The following COLEC10 variants were observed in gnomAD, a reference collection of about 807,000 sequenced individuals.
COLEC10 encodes the protein collectin-10.
A neutral mutation model predicts 28.4 loss-of-function variants in COLEC10; 22 were observed. The observed-to-expected ratio is 0.78, with a 90% confidence interval of 0.55 to 1.11. The LOEUF is 1.11. Among genes scored for constraint, COLEC10 ranks in the 50% least tolerant of loss-of-function variants. The pLI, the probability that COLEC10 is intolerant of heterozygous loss-of-function variation, is 0.00. For synonymous variants in COLEC10, 125 were observed against 116.1 expected, an observed-to-expected ratio of 1.08 and a Z score of -0.49; for missense variants, 361 against 344.1, an observed-to-expected ratio of 1.05 and a Z score of -0.39.
intron 3 of COLEC10, among the ~76,000 whole-genome samples, chr8:119,099,521 A>G (rs964189248): frequency 1.3e-5 from 2 of 152,096 alleles, no homozygotes; most frequent in Non-Finnish European, 1.5e-5. Flanking sequence ...GTCCATGTGT[A>G]GCCAGTAAGT....
chr8:119,067,586 T>C (rs1408904804), intron 1 of COLEC10, 157 bp downstream of exon 1: 9 of 656,890 alleles, frequency 1.4e-5, no homozygotes, highest in Middle Eastern at 4.1e-4. Flanking sequence ...CCAGATCTGG[T>C]CTGTTACTTA....
chr8:118,983,443 T>C, the COLEC10 span, among the ~76,000 whole-genome samples: 35 of 152,254 alleles, frequency 2.3e-4, no homozygotes, highest in Non-Finnish European at 4.3e-4. Context: ...AGCAACCACA[T>C]GGGCTTATTT....
chr8:119,091,595 G>GAGAGAGAGAAAGAAAGAAAGAA lies in COLEC10; in HGVS notation c.292+378_292+379insGAGAGAAAGAAAGAAAGAAAGA, dbSNP rs1250359009. On this transcript the variant is annotated intron_variant, in intron 3 of 5. Transcript: ENST00000332843. ...AGAAAGAGAGAGAGAGAGAGAGAGA[G>GAGAGAGAGAAAGAAAGAAAGAA]AGAAAGAAAGAAAGAAAGAAAGAAA... Among the ~76,000 whole-genome samples the GAGAGAGAGAAAGAAAGAAAGAA allele has an allele frequency of 1.6e-4, 22 of 138,562 alleles. No homozygotes were observed. The East Asian group carries it at 2.9e-3, about 18-fold the overall frequency. The allele number at this position is 138,562 out of a possible 152,430, so 90.9% of individuals were successfully genotyped here. A position where few individuals can be genotyped will look rare whatever the true frequency, so the allele number is the denominator to read the frequency against.
chr8:119,025,088 C>A (rs556964233), intron 2 of COLEC10, among the ~76,000 whole-genome samples: 2 of 152,182 alleles, frequency 1.3e-5, no homozygotes, highest in African/African-American at 4.8e-5. Flanking sequence ...TACACAGTAC[C>A]GTTTTTCAGA....
chr8:119,016,874 G>A (rs979968473), intron 2 of COLEC10, among the ~76,000 whole-genome samples: 2 of 151,978 alleles, frequency 1.3e-5, no homozygotes, highest in African/African-American at 2.4e-5. Context: ...CCACCACCAC[G>A]CCCAGCTAAT....
chr8:118,957,281 C>A, the COLEC10 span, among the ~76,000 whole-genome samples: 1 of 152,172 alleles, frequency 6.6e-6, no homozygotes, highest in Admixed American at 6.5e-5. Context: ...CCAACTAAAC[C>A]TAGAAATAAA....
intron 5 of COLEC10, among the ~76,000 whole-genome samples, chr8:119,104,790 G>T (rs1815905372): frequency 6.6e-6 from 1 of 152,140 alleles, no homozygotes; most frequent in Admixed American, 6.6e-5. Context: ...TGAAGATTCT[G>T]TCTCTGATAT....
intron 5 of COLEC10, among the ~76,000 whole-genome samples, chr8:119,105,536 T>C (rs1017375403): frequency 7.2e-5 from 11 of 152,132 alleles, no homozygotes; most frequent in African/African-American, 1.7e-4. Flanking sequence ...TGAAAGTTCA[T>C]GTAACATGTC....
At position 119,089,972 on chromosome 8, in the gene COLEC10, C is replaced by T. The variant is rs74524771; in HGVS notation, c.220+221C>T. ...CTCAAGTTGCATTCTTTAGGGCTGG[C>T]TGGTGTGGGACACTGGGAGCCCCAG... is the stretch of plus-strand genomic sequence containing the variant. On this transcript the variant is annotated intron_variant, in intron 2 of 5. Transcript: ENST00000332843. Among the ~76,000 whole-genome samples the T allele has an allele frequency of 0.036, 5,423 of 152,230 alleles. 126 individuals carry two copies. Among genetic ancestry groups the T allele is most frequent in the African/African-American group, 0.062 (2,584 of 41,530 alleles).
chr8:119,028,541 G>A (rs141116823), intron 2 of COLEC10, among the ~76,000 whole-genome samples: 6,657 of 152,116 alleles, frequency 0.044, 213 homozygotes, highest in East Asian at 0.16. Context: ...ATCAGATCTC[G>A]TGAGACTTAT....
At chr8:119,062,476 T>C (rs1426819200), upstream of COLEC10, among the ~76,000 whole-genome samples, 4 of 141,180 alleles carry the variant, frequency 2.8e-5, no homozygotes, top group Non-Finnish European at 6.1e-5. Flanking sequence ...GGTTGAATAT[T>C]TGATTTTTTT....
At chr8:119,064,693 A>T (rs1814921028), upstream of COLEC10, among the ~76,000 whole-genome samples, 1 of 152,212 alleles carries the variant, frequency 6.6e-6, no homozygotes, top group South Asian at 2.1e-4. Context: ...TGGACATTTT[A>T]AGTGTTTGTG....
chr8:119,056,814 C>T (rs983523584), intron 2 of COLEC10, among the ~76,000 whole-genome samples: 3 of 151,948 alleles, frequency 2.0e-5, no homozygotes, highest in Non-Finnish European at 2.9e-5. Context: ...TATGATAGTT[C>T]CAAACTCCTC....
Position 119,082,711 on chromosome 8 carries a change from T to A in COLEC10, c.149-6969T>A, listed in dbSNP as rs1237301218. On this transcript the variant is annotated intron_variant, in intron 1 of 5. Coordinates refer to ENST00000332843, the MANE Select transcript of COLEC10 (RefSeq NM_006438.5). ...ACAGAAGACAAAAATCCACATAATA[T>A]TTCATTGGCGAAGACATTTTAGCAC... Among the ~76,000 whole-genome samples, 3 of 152,308 alleles carry A rather than the reference T, an allele frequency of 2.0e-5. No homozygotes were observed. In the South Asian group the frequency reaches 6.2e-4, roughly 32 times the overall value.
At chr8:119,017,303 G>C (rs1327701031) in intron 2 of COLEC10, among the ~76,000 whole-genome samples, 8 of 152,170 alleles carry the variant, frequency 5.3e-5, no homozygotes, top group Non-Finnish European at 1.2e-4. Context: ...TTTAGGAACT[G>C]TTAATTATAA....
intron 1 of COLEC10, among the ~76,000 whole-genome samples, chr8:118,995,945 G>A (rs1018654169): frequency 6.6e-6 from 1 of 152,024 alleles, no homozygotes; most frequent in Admixed American, 6.5e-5. Context: ...GTACAGTACA[G>A]TATTGTTGAC....
At chr8:119,091,017 A>G in intron 2 of COLEC10, 132 bp from the exon 3 acceptor site, 2 of 713,622 alleles carry the variant, frequency 2.8e-6, no homozygotes, top group Non-Finnish European at 4.9e-6. Context: ...ACAATATAGC[A>G]TGGGATATAT....
At chr8:118,983,586 G>T in the COLEC10 span, among the ~76,000 whole-genome samples, 2 of 152,080 alleles carry the variant, frequency 1.3e-5, no homozygotes, top group Admixed American at 1.3e-4. Flanking sequence ...TGGAAATAGG[G>T]CTCTTAAAGC....
In COLEC10 at chr8:119,003,592, G is replaced by A. The variant is rs17758353; in HGVS notation, n.123-5849G>A. On this transcript the variant is annotated intron_variant and non_coding_transcript_variant, in intron 1 of 6. Coordinates refer to the COLEC10 transcript ENST00000521788. ...AGTTCAAGCATTTGATTGGCATGGGGCTCAGAGGATGAATTAATGGGATGG... is the reference window on the plus strand; with the variant it reads ...AGTTCAAGCATTTGATTGGCATGGGACTCAGAGGATGAATTAATGGGATGG... Among the ~76,000 whole-genome samples, 94 of 152,134 alleles carry A rather than the reference G, an allele frequency of 6.2e-4. No homozygotes were observed. The East Asian group carries it at 0.016, about 25-fold the overall frequency.
Sources: gnomAD v4.1 joint callset for allele counts (sites outside exome capture counted in the v4.1 genomes callset) on GRCh38, gnomAD v4.1.1 for gene constraint, MANE v1.5 for transcripts, NCBI Gene and HGNC (gene_info 2026-07-23, HGNC 2026-07-21) for gene names.